The following EIF3K variants were observed in gnomAD, a reference collection of about 807,000 sequenced individuals.
The protein encoded by EIF3K is eukaryotic translation initiation factor 3 subunit K, also known as eIF-3 p28.
Under a neutral mutation model 34.2 loss-of-function variants are expected in EIF3K, and 27 were observed. The ratio of observed to expected loss-of-function variants is 0.79; its 90% CI spans 0.58 to 1.09. The LOEUF (loss-of-function observed/expected upper bound fraction) is 1.09, where lower values mean the gene tolerates loss of function less well. EIF3K is among the 50% of genes least tolerant of loss of function. EIF3K has a pLI of 0.00. For synonymous variants in EIF3K, 105 were observed against 105.7 expected (o/e 0.99, Z 0.04); for missense variants, 232 against 275.4 (o/e 0.84, Z 1.11).
chr19:38,625,242 G>T (rs1185305642), intron 3 of EIF3K, among the ~76,000 whole-genome samples: 2 of 151,458 alleles, frequency 1.3e-5, no homozygotes, highest in African/African-American at 4.9e-5. Context: ...TCGGCTTCCT[G>T]CAACTTCCAC....
chr19:38,633,558 T>C (rs1457655923), intron 6 of EIF3K, among the ~76,000 whole-genome samples: 1 of 148,556 alleles, frequency 6.7e-6, no homozygotes, highest in Non-Finnish European at 1.5e-5. Context: ...AATTGCTGGG[T>C]GTGGTGGCGT....
intron 4 of EIF3K, among the ~76,000 whole-genome samples, chr19:38,627,236 T>A (rs1975968551): frequency 1.3e-5 from 2 of 152,076 alleles, no homozygotes; most frequent in African/African-American, 2.4e-5. Context: ...TCTGCCTGCC[T>A]CAGCCTCCCA....
intron 2 of EIF3K, 51 bp from the exon 3 acceptor site, chr19:38,624,026 T>G: frequency 1.2e-6 from 2 of 1,612,278 alleles, no homozygotes; most frequent in Non-Finnish European, 1.7e-6. Context: ...CTGGTGAGGA[T>G]TGGGGACTTG....
chr19:38,636,843 G>A (rs1357248863), intron 7 of EIF3K, 46 bp from the exon 8 acceptor site: 1 of 1,612,606 alleles, frequency 6.2e-7, no homozygotes. Flanking sequence ...CTGGAGGTTT[G>A]TCTCCCGCCC....
chr19:38,622,080 T>C (rs906105014), intron 2 of EIF3K, among the ~76,000 whole-genome samples: 2 of 150,944 alleles, frequency 1.3e-5, no homozygotes, highest in African/African-American at 4.9e-5. Context: ...TAATTTTACT[T>C]GGGTGCTTTC....
chr19:38,620,615 C>T (rs1185732915), intron 2 of EIF3K, among the ~76,000 whole-genome samples, 180 bp downstream of exon 2: 4 of 152,084 alleles, frequency 2.6e-5, no homozygotes, highest in East Asian at 1.9e-4. Context: ...AATCAATTGC[C>T]GGGCGCGGTG....
chr19:38,629,808 C>T, intron 4 of EIF3K, among the ~76,000 whole-genome samples: 1 of 152,170 alleles, frequency 6.6e-6, no homozygotes, highest in East Asian at 1.9e-4. Context: ...AGGGAAGCCC[C>T]TGTGGCTGGA....
At chr19:38,632,365 A>G in intron 4 of EIF3K, 65 bp from the exon 5 acceptor site, 13 of 1,509,320 alleles carry the variant, frequency 8.6e-6, no homozygotes, top group Non-Finnish European at 1.1e-5. Context: ...ATCTCTATAA[A>G]TAAATAAAAA....
chr19:38,635,367 G>A (rs1976167930), intron 7 of EIF3K: 2 of 541,532 alleles, frequency 3.7e-6, no homozygotes, highest in Non-Finnish European at 6.5e-6. Flanking sequence ...GACTTCCTGG[G>A]GCCCAGCGGG....
rs1451587906 is a variant in EIF3K, at chr19:38,624,300, A to T, written c.279+103A>T. The T allele has an allele frequency of 3.2e-6, 5 of 1,540,176 alleles. No homozygotes were observed. The Admixed American group carries it at 5.6e-5, about 17-fold the overall frequency. On this transcript the variant is annotated intron_variant, in intron 3 of 7. Transcript: ENST00000248342. The stretch of plus-strand genomic sequence containing the variant: ...TCTGTGGGTGTATCCACAAACAACA[A>T]GTGCCTGCTCTGGTCCAGCGTGGCA...
intron 4 of EIF3K, among the ~76,000 whole-genome samples, chr19:38,629,009 C>G (rs1976005510): frequency 6.6e-6 from 1 of 152,144 alleles, no homozygotes; most frequent in South Asian, 2.1e-4. Flanking sequence ...AGAAATTGCA[C>G]CTGTTCCTAT....
In EIF3K at chr19:38,626,094, G is replaced by C; in HGVS notation, c.346G>C (p.Ala116Pro). 1 of 1,614,116 alleles carries C rather than the reference G, an allele frequency of 6.2e-7. No homozygotes were observed. Among genetic ancestry groups the C allele is most frequent in the Non-Finnish European group, 8.5e-7 (1 of 1,180,030 alleles). ...GDLLETCHFQ[A>P]FWQALDENMD... ...CCTGCTGGAGACCTGCCATTTCCAG[G>C]CCTTCTGGGTAACTTCCCTGGGGTC... The change falls in exon 4 of 8, where the codon GCC becomes CCC. Residue 116 changes from alanine to proline, a missense_variant. Physicochemically the swap from Ala to Pro is conservative, Grantham distance 27 (BLOSUM62 -1). Coordinates refer to ENST00000248342, the MANE Select transcript of EIF3K (RefSeq NM_013234.4).
chr19:38,629,589 C>G (rs528891976), intron 4 of EIF3K, among the ~76,000 whole-genome samples: 1 of 152,208 alleles, frequency 6.6e-6, no homozygotes, highest in Non-Finnish European at 1.5e-5. Flanking sequence ...CCACCACGCC[C>G]GGCCACAAAT....
At chr19:38,631,071 A>G (rs991843009) in intron 4 of EIF3K, 5 of 152,226 alleles carry the variant, frequency 3.3e-5, no homozygotes, top group Admixed American at 6.5e-5. Context: ...TCAGCCTCCC[A>G]AAGTGCTGGG....
At chr19:38,621,541 A>T (rs2144761145) in intron 2 of EIF3K, among the ~76,000 whole-genome samples, 1 of 152,342 alleles carries the variant, frequency 6.6e-6, no homozygotes, top group Admixed American at 6.5e-5. Context: ...TATTGCTAGC[A>T]CCACAGGCTC....
chr19:38,621,412 C>CAAAAAAAAAAAAAAAAAAAAAAAAAAAAA, intron 2 of EIF3K, among the ~76,000 whole-genome samples: 1 of 151,750 alleles, frequency 6.6e-6, no homozygotes, highest in East Asian at 2.0e-4. Flanking sequence ...GACCCTGTCT[C>CAAAAAAAAAAAAAAAAAAAAAAAAAAAAA]AAAAATAAAT....
In EIF3K at chr19:38,624,064, T is replaced by A. The variant is rs1412472235; in HGVS notation, c.159-13T>A. 6.2e-7 allele frequency: 1 copy of A among 1,613,932 alleles called. No individual in the cohort carries two copies. Among genetic ancestry groups the A allele is most frequent in the African/African-American group, 1.3e-5 (1 of 74,898 alleles). ...GGTGCCACTGTGGCCACGTCTCTTGTTCTTTTTCTTAGGTACCAGTTCAAC... is the reference window on the plus strand; with the variant it reads ...GGTGCCACTGTGGCCACGTCTCTTGATCTTTTTCTTAGGTACCAGTTCAAC... On this transcript the variant is annotated splice_polypyrimidine_tract_variant and intron_variant, in intron 2 of 7. Coordinates refer to ENST00000248342, the MANE Select transcript of EIF3K (RefSeq NM_013234.4).
At chr19:38,626,164 A>G in intron 4 of EIF3K, 62 bp downstream of exon 4, 10 of 1,484,282 alleles carry the variant, frequency 6.7e-6, no homozygotes, top group Non-Finnish European at 9.4e-6. Flanking sequence ...TGAGTGCTAA[A>G]AGTAACAACG....
intron 7 of EIF3K, 27 bp from the exon 8 acceptor site, chr19:38,636,862 T>A: frequency 9.3e-6 from 15 of 1,614,134 alleles, no homozygotes; most frequent in Non-Finnish European, 1.3e-5. Context: ...CCTTCTCACC[T>A]TCAGTCTGGT....
Sources: allele counts gnomAD v4.1 joint callset (sites outside exome capture counted in the v4.1 genomes callset), GRCh38; gene constraint gnomAD v4.1.1; transcripts MANE v1.5; gene names NCBI Gene and HGNC (gene_info 2026-07-23, HGNC 2026-07-21).